The following ZNF878 variants were observed in gnomAD, a reference collection of about 807,000 sequenced individuals.
The protein encoded by ZNF878 is zinc finger protein 878.
A neutral mutation model predicts 11.1 loss-of-function variants in ZNF878; 10 were observed. The observed-to-expected ratio is 0.90, with a 90% CI of 0.56 to 1.53. The LOEUF (loss-of-function observed/expected upper bound fraction) is 1.53. ZNF878 is among the 40% of genes most tolerant of loss of function. The pLI is 0.00. For synonymous variants in ZNF878, 165 were observed against 209.7 expected, an observed-to-expected ratio of 0.79 and a Z score of 1.84; for missense variants, 548 against 626.1, an observed-to-expected ratio of 0.88 and a Z score of 1.33.
At chr19:12,048,706 C>T (rs192257767) in intron 1 of ZNF878, among the ~76,000 whole-genome samples, 1 of 150,282 alleles carries the variant, frequency 6.7e-6, no homozygotes, top group Non-Finnish European at 1.5e-5. Context: ...TGGTGGCAGG[C>T]GCTTGTAATC....
At position 12,044,584 on chromosome 19, in the gene ZNF878, G is replaced by A; in HGVS notation, c.817C>T (p.His273Tyr). 1 of 1,614,052 alleles carries A rather than the reference G, an allele frequency of 6.2e-7. No individual in the cohort carries two copies. The highest frequency in any genetic ancestry group is 1.1e-5 in the South Asian group (1 of 91,070). Reference sequence around the variant, plus strand: ...TTCTCTCCACTGTGAGTCCTTTCATGATATTGAAAGGAACTGGGACAATTG... The same window carrying A: ...TTCTCTCCACTGTGAGTCCTTTCATAATATTGAAAGGAACTGGGACAATTG... ...AFNCPSSFQY[H>Y]ERTHSGEKPY... is the part of the protein sequence containing the mutation. Residue 273 changes from histidine (H) to tyrosine (Y), a missense_variant, in exon 4 of 4, where the codon CAT becomes TAT. Physicochemically the swap from His to Tyr is moderately conservative, Grantham distance 83. Coordinates refer to ENST00000547628, the MANE Select transcript of ZNF878 (RefSeq NM_001080404.3).
intron 1 of ZNF878, among the ~76,000 whole-genome samples, chr19:12,049,873 C>A (rs1975534156): frequency 6.6e-6 from 1 of 152,076 alleles, no homozygotes; most frequent in South Asian, 2.1e-4. Flanking sequence ...AAGGACTATT[C>A]ATTTTCCTGG....
rs756781886 is a variant in ZNF878 at position 12,044,389 on chromosome 19, G to T, written c.1012C>A (p.Pro338Thr). 5.0e-6 allele frequency: 8 copies of T among 1,613,794 alleles called. No homozygotes were observed. The East Asian group carries it at 1.8e-4, about 36-fold the overall frequency. The change falls in exon 4 of 4, where the codon CCT (proline) becomes ACT (threonine). Residue 338 changes from proline to threonine, a missense_variant. By Grantham distance (38) the Pro-to-Thr change is conservative (BLOSUM62 -1). This residue lies in a region of ZNF878 where 335 missense variants were observed against 358.2 expected (regional missense o/e 0.94). Coordinates refer to ENST00000547628, the MANE Select transcript of ZNF878 (RefSeq NM_001080404.3). ...TTCACACATTTTTTACATTCATAAG[G>T]TTTCTCTCCAGTGTGAGTCTTTTCA... The part of the protein sequence containing the change: ...YHEKTHTGEK[P>T]YECKKCVKAF...
At chr19:12,052,556 A>T (rs1975561636) in intron 1 of ZNF878, among the ~76,000 whole-genome samples, 2 of 152,162 alleles carry the variant, frequency 1.3e-5, no homozygotes, top group East Asian at 3.9e-4. Flanking sequence ...GGAGCTGCTC[A>T]GAGAGGGAGC....
chr19:12,043,822 T>C lies in ZNF878; in HGVS notation c.1579A>G (p.Arg527Gly), dbSNP rs771523545. 6.2e-7 allele frequency: 1 copy of C among 1,606,568 alleles called. No homozygotes were observed. Among genetic ancestry groups the C allele is most frequent in the Non-Finnish European group, 8.5e-7 (1 of 1,177,276 alleles). Residue 527 changes from arginine to glycine, a missense_variant, in exon 4 of 4, where the codon AGG becomes GGG. By Grantham distance (125) the Arg-to-Gly change is moderately radical. Transcript: ENST00000547628. Reference protein sequence around the residue: ...RSASILQKHVRTHAG With the variant: ...RSASILQKHVGTHAG ...TAGAGTTTCTAGCCAGCGTGAGTCC[T>C]TACATGCTTTTGAAGGATTGAGGCA...
Position 12,044,811 on chromosome 19 carries a change from T to G in ZNF878, c.590A>C (p.Lys197Thr), listed in dbSNP as rs374749575. 6.1e-5 allele frequency: 99 copies of G among 1,613,784 alleles called. No individual in the cohort carries two copies. The Admixed American group carries it at 7.5e-4, about 12-fold the overall frequency. ...CCCACACTGCTTACATTCATAGGGT[T>G]TTTTTGCAGAGTGGATTCTTTCATG... Reference protein sequence around the residue: ...RRHERIHSAKKPYECKQCGKA... With the variant: ...RRHERIHSAKTPYECKQCGKA... The change falls in exon 4 of 4, where the codon AAA (lysine) becomes ACA (threonine). Residue 197 changes from lysine to threonine, a missense_variant. By Grantham distance (78) the Lys-to-Thr change is moderately conservative. Transcript: ENST00000547628.
At chr19:12,050,383 G>A (rs1218910790) in intron 1 of ZNF878, among the ~76,000 whole-genome samples, 2 of 152,038 alleles carry the variant, frequency 1.3e-5, no homozygotes, top group East Asian at 3.9e-4. Context: ...TAATTTATAG[G>A]GAAATGAAAT....
chr19:12,047,073 A>G (rs149912753), intron 1 of ZNF878, among the ~76,000 whole-genome samples: 82 of 151,956 alleles, frequency 5.4e-4, no homozygotes, highest in African/African-American at 2.0e-3. Flanking sequence ...TGCAGCACCT[A>G]TCTTAACAAA....
chr19:12,052,131 C>A (rs1018950093), intron 1 of ZNF878, among the ~76,000 whole-genome samples: 3 of 152,184 alleles, frequency 2.0e-5, no homozygotes, highest in Non-Finnish European at 4.4e-5. Flanking sequence ...GGAACTTACA[C>A]CTTCCCGGCA....
chr19:12,044,688 GA>G lies in ZNF878; in HGVS notation c.712del (p.Ser238LeufsTer5). The G allele has an allele frequency of 6.2e-7, 1 of 1,613,668 alleles. No individual in the cohort carries two copies. Among genetic ancestry groups the G allele is most frequent in the Non-Finnish European group, 8.5e-7 (1 of 1,179,952 alleles). On this transcript the variant is annotated frameshift_variant, in exon 4 of 4. Coordinates refer to ENST00000547628, the MANE Select transcript of ZNF878 (RefSeq NM_001080404.3). LOFTEE classifies it low-confidence loss of function (END_TRUNC). Reference protein sequence around the residue: ...KCNICGKAFFSPSSLKRHEKS... With the variant: ...KCNICGKAFFXPSSLKRHEKS... ...CTCGTGTCTTTTTAACGAACTGGGAGAAAAAAAGGCTTTCCCACATATGTTA... is the reference window on the plus strand; with the variant it reads ...CTCGTGTCTTTTTAACGAACTGGGAGAAAAAAGGCTTTCCCACATATGTTA...
rs1356553177 is a variant in ZNF878 at position 12,051,677 on chromosome 19, T to C, written c.3+1122A>G. ...ATCCCAGTACCTTGGGAGGCCGAAG[T>C]GGGCGGATCACAAAGTCAGGAGGAG... On this transcript the variant is annotated intron_variant, in intron 1 of 3. Coordinates refer to ENST00000547628, the MANE Select transcript of ZNF878 (RefSeq NM_001080404.3). Among the ~76,000 whole-genome samples, 5 of 152,016 alleles carry C rather than the reference T, an allele frequency of 3.3e-5. No homozygotes were observed. In the East Asian group the frequency reaches 9.7e-4, roughly 30 times the overall value.
chr19:12,052,907 C>G lies in ZNF878; in HGVS notation c.-106G>C. ...AGCAGCTACGGCGGAAGTAACTGGTCCCTCTCGGAGCAAGAAAGCCCCAGA... is the reference window on the plus strand; with the variant it reads ...AGCAGCTACGGCGGAAGTAACTGGTGCCTCTCGGAGCAAGAAAGCCCCAGA... On this transcript the variant is annotated 5_prime_UTR_variant, in exon 1 of 4. Coordinates refer to ENST00000547628, the MANE Select transcript of ZNF878 (RefSeq NM_001080404.3). 1 of 1,487,452 alleles carries G rather than the reference C, an allele frequency of 6.7e-7. No individual in the cohort carries two copies. Among genetic ancestry groups the G allele is most frequent in the Non-Finnish European group, 9.0e-7 (1 of 1,106,080 alleles). 92.1% of individuals were successfully genotyped at this position (1,487,452 alleles called of 1,614,324 possible).
At chr19:12,048,182 A>C (rs1271493850) in intron 1 of ZNF878, among the ~76,000 whole-genome samples, 1 of 152,196 alleles carries the variant, frequency 6.6e-6, no homozygotes, top group African/African-American at 2.4e-5. Flanking sequence ...AAGTTACTGG[A>C]AACTCCAAAC....
rs879127421 is a variant in ZNF878 at position 12,044,012 on chromosome 19, A to T, written c.1389T>A (p.Ser463=). The T allele has an allele frequency of 6.2e-7, 1 of 1,601,194 alleles. No individual in the cohort carries two copies. Among genetic ancestry groups the T allele is most frequent in the East Asian group, 2.3e-5 (1 of 44,104 alleles). The change falls in exon 4 of 4, where the codon TCT becomes TCA. Residue 463 remains serine, a synonymous_variant. Transcript: ENST00000547628. ...CKQCGKAFIS[S]NSIRYHKRTH... ...TCCTTTTATGATAGCGAATAGAATT[A>T]GAAGAAATGAAGGCTTTTCCACATT...
rs1352545209 is a variant in ZNF878, at chr19:12,043,833, T to C, written c.1568A>G (p.Gln523Arg). ...GCCAGCGTGAGTCCTTACATGCTTT[T>C]GAAGGATTGAGGCAGATCTAAAGGC... ...GKAFRSASILQKHVRTHAG is the reference protein window; with the variant it reads ...GKAFRSASILRKHVRTHAG Residue 523 changes from glutamine to arginine, a missense_variant, in exon 4 of 4, where the codon CAA becomes CGA. Around this residue, in one of 3 missense-constraint regions of ZNF878, gnomAD observed 335 missense variants for 358.2 expected, o/e 0.94. Coordinates refer to ENST00000547628, the MANE Select transcript of ZNF878 (RefSeq NM_001080404.3). The C allele has an allele frequency of 6.2e-7, 1 of 1,608,706 alleles. No individual in the cohort carries two copies. Among genetic ancestry groups the C allele is most frequent in the Non-Finnish European group, 8.5e-7 (1 of 1,178,256 alleles).
At chr19:12,052,680 G>A in intron 1 of ZNF878, 119 bp downstream of exon 1, 1 of 1,303,620 alleles carries the variant, frequency 7.7e-7, no homozygotes, top group South Asian at 1.4e-5. Context: ...TGCGCTAGGG[G>A]GACTGTGTCT....
Position 12,045,212 on chromosome 19 carries a change from G to T in ZNF878, c.192-3C>A. 1 of 1,586,674 alleles carries T rather than the reference G, an allele frequency of 6.3e-7. No individual in the cohort carries two copies. Among genetic ancestry groups the T allele is most frequent in the Non-Finnish European group, 8.6e-7 (1 of 1,167,784 alleles). ...AGAGTCTCTCCCCTATAAGTCTTCT[G>T]TGAACAATGAAAGCACATTATAATG... On this transcript the variant is annotated splice_polypyrimidine_tract_variant and splice_region_variant and intron_variant, in intron 3 of 3. Coordinates refer to ENST00000547628, the MANE Select transcript of ZNF878 (RefSeq NM_001080404.3).
In ZNF878 at chr19:12,052,783, A is replaced by G. The variant is rs1975564051; in HGVS notation, c.3+16T>C. On this transcript the variant is annotated intron_variant, in intron 1 of 3. Coordinates refer to ENST00000547628, the MANE Select transcript of ZNF878 (RefSeq NM_001080404.3). ...CCCTCCTTTCGCCTTGGGACTCCCC[A>G]GCACCGCATGCTCACCATTTCCTGG... The G allele has an allele frequency of 6.5e-7, 1 of 1,535,220 alleles. No homozygotes were observed. Among genetic ancestry groups the G allele is most frequent in the South Asian group, 1.2e-5 (1 of 84,048 alleles).
chr19:12,048,010 C>A (rs1304005390), intron 1 of ZNF878, among the ~76,000 whole-genome samples: 1 of 152,150 alleles, frequency 6.6e-6, no homozygotes, highest in Non-Finnish European at 1.5e-5. Context: ...TCACCAAGGT[C>A]AAAAACTAAA....
Sources: allele counts gnomAD v4.1 joint callset (sites outside exome capture counted in the v4.1 genomes callset), GRCh38; gene constraint gnomAD v4.1.1; regional missense constraint gnomAD v4.1.1; transcripts MANE v1.5; gene names NCBI Gene and HGNC (gene_info 2026-07-23, HGNC 2026-07-21).